The following CCDC3 variants were observed in gnomAD, a reference collection of about 807,000 sequenced individuals.
CCDC3 encodes coiled-coil domain-containing protein 3.
CCDC3 carries 24 observed loss-of-function variants against 21.4 expected under a neutral mutation model. The ratio of observed to expected loss-of-function variants is 1.12; its 90% CI spans 0.81 to 1.58. The LOEUF (loss-of-function observed/expected upper bound fraction) is 1.58, where lower values mean the gene tolerates loss of function less well. Among genes scored for constraint, CCDC3 ranks in the 40% most tolerant of loss-of-function variants. CCDC3 has a pLI of 0.00. For synonymous variants in CCDC3, 186 were observed against 166.0 expected (o/e 1.12, Z -0.93); for missense variants, 425 against 360.9 (o/e 1.18, Z -1.44).
chr10:12,911,408 G>A (rs138443730), intron 2 of CCDC3, among the ~76,000 whole-genome samples: 7 of 152,182 alleles, frequency 4.6e-5, no homozygotes, highest in African/African-American at 1.4e-4. Context: ...GCTAATATAC[G>A]CTAATGTTTT....
intron 5 of CCDC3, among the ~76,000 whole-genome samples, chr10:13,035,664 T>C (rs1422071026): frequency 6.6e-6 from 1 of 152,318 alleles, no homozygotes; most frequent in African/African-American, 2.4e-5. Context: ...TTTTAAAATA[T>C]CAAGAACATC....
At chr10:13,028,399 A>G (rs1312963041) in intron 5 of CCDC3, among the ~76,000 whole-genome samples, 1 of 152,180 alleles carries the variant, frequency 6.6e-6, no homozygotes, top group African/African-American at 2.4e-5. Context: ...AAATCACCCA[A>G]TCTTGGGTAT....
intron 5 of CCDC3, among the ~76,000 whole-genome samples, chr10:13,012,854 G>A (rs1835999703): frequency 6.6e-6 from 1 of 151,900 alleles, no homozygotes; most frequent in Admixed American, 6.6e-5. Flanking sequence ...AGATCCCCAA[G>A]TCACAAGTTT....
At chr10:13,034,542 T>A (rs1318917662) in intron 5 of CCDC3, among the ~76,000 whole-genome samples, 113 of 132,318 alleles carry the variant, frequency 8.5e-4, no homozygotes, top group African/African-American at 1.7e-3. Flanking sequence ...AAAAAAAAAA[T>A]GGGTACATTT....
intron 5 of CCDC3, among the ~76,000 whole-genome samples, chr10:13,017,157 C>T (rs561848389): frequency 6.6e-6 from 1 of 152,144 alleles, no homozygotes; most frequent in South Asian, 2.1e-4. Context: ...GCCTTTTTCA[C>T]AGTAGGCAAA....
chr10:12,937,034 C>CTGGTAGAGCTTCTAGAGGT (rs1342198939), intron 2 of CCDC3, among the ~76,000 whole-genome samples: 1 of 152,152 alleles, frequency 6.6e-6, no homozygotes, highest in African/African-American at 2.4e-5. Flanking sequence ...CTTGTAGGAC[C>CTGGTAGAGCTTCTAGAGGT]TGGTAGAGCT....
intron 5 of CCDC3, among the ~76,000 whole-genome samples, chr10:13,012,479 A>G (rs4750298): frequency 0.15 from 22,936 of 152,216 alleles, 1,998 homozygotes; most frequent in Admixed American, 0.23. Flanking sequence ...AATCAAAACC[A>G]CAACATTATA....
At chr10:12,943,640 G>A (rs979145763) in intron 2 of CCDC3, among the ~76,000 whole-genome samples, 7 of 151,952 alleles carry the variant, frequency 4.6e-5, no homozygotes, top group Admixed American at 1.3e-4. Context: ...CATAACAACA[G>A]ATTAGGGTGG....
intron 2 of CCDC3, among the ~76,000 whole-genome samples, chr10:12,982,418 T>C (rs573589273): frequency 1.3e-5 from 2 of 152,024 alleles, no homozygotes; most frequent in African/African-American, 2.4e-5. Flanking sequence ...AGAAATCCGC[T>C]ATACGACAGC....
intron 2 of CCDC3, among the ~76,000 whole-genome samples, chr10:12,908,058 G>A (rs1195370598): frequency 6.6e-6 from 1 of 152,170 alleles, no homozygotes; most frequent in Admixed American, 6.5e-5. Flanking sequence ...GAAACATTGA[G>A]CTGTCTTGGG....
At chr10:13,087,689 AGATACTTAGAAGAT>A (rs1172175135) in intron 3 of CCDC3, among the ~76,000 whole-genome samples, 3 of 149,226 alleles carry the variant, frequency 2.0e-5, no homozygotes, top group Non-Finnish European at 4.4e-5. Context: ...GCTTATCCTT[AGATACTTAGAAGAT>A]GATACTTAGA....
upstream of CCDC3, among the ~76,000 whole-genome samples, chr10:13,002,142 C>T (rs1319700477): frequency 6.6e-6 from 1 of 152,162 alleles, no homozygotes; most frequent in African/African-American, 2.4e-5. Flanking sequence ...ATCTCGTGCT[C>T]TCTCAGATTT....
chr10:13,089,692 A>G (rs1052564950), intron 3 of CCDC3, among the ~76,000 whole-genome samples: 2 of 151,458 alleles, frequency 1.3e-5, no homozygotes, highest in African/African-American at 4.9e-5. Flanking sequence ...TAATTTTTTT[A>G]TTTCCAAAGG....
At chr10:13,060,435 C>G (rs923901821) in intron 4 of CCDC3, among the ~76,000 whole-genome samples, 4 of 152,090 alleles carry the variant, frequency 2.6e-5, no homozygotes, top group Non-Finnish European at 2.9e-5. Flanking sequence ...GAGCAGAAGT[C>G]ATCAGAGAGG....
chr10:12,983,860 A>G (rs1340975537), intron 2 of CCDC3, among the ~76,000 whole-genome samples: 5 of 152,122 alleles, frequency 3.3e-5, no homozygotes, highest in African/African-American at 1.2e-4. Flanking sequence ...TGGGCAGATC[A>G]CTTGAGGTCA....
chr10:13,010,778 C>T (rs1835974379), intron 5 of CCDC3, among the ~76,000 whole-genome samples: 1 of 152,138 alleles, frequency 6.6e-6, no homozygotes, highest in Non-Finnish European at 1.5e-5. Flanking sequence ...CAATAGTAAG[C>T]AATGAACTAT....
chr10:12,949,229 A>G (rs1021587296), intron 2 of CCDC3, among the ~76,000 whole-genome samples: 1 of 152,314 alleles, frequency 6.6e-6, no homozygotes, highest in South Asian at 2.1e-4. Flanking sequence ...GCTGCCGGGA[A>G]TAAAGACCAC....
At chr10:13,099,506 C>A (rs1832690175) in exon 1 of CCDC3, 2 of 151,352 alleles carry the variant, frequency 1.3e-5, no homozygotes, top group South Asian at 4.2e-4. Flanking sequence ...TCGCTCCTAC[C>A]TTGTCATCCT....
At chr10:13,027,381 C>T in intron 5 of CCDC3, among the ~76,000 whole-genome samples, 1 of 152,062 alleles carries the variant, frequency 6.6e-6, no homozygotes, top group East Asian at 1.9e-4. Flanking sequence ...GAAATGGTTC[C>T]CATCTGTCAT....
Sources: allele counts gnomAD v4.1 joint callset (sites outside exome capture counted in the v4.1 genomes callset), GRCh38; gene constraint gnomAD v4.1.1; transcripts MANE v1.5; gene names NCBI Gene and HGNC (gene_info 2026-07-23, HGNC 2026-07-21).